Variants in CTNNAL1 observed in about 807,000 individuals in gnomAD.
The protein encoded by CTNNAL1 is catenin alpha like 1.
A neutral mutation model predicts 93.6 loss-of-function variants in CTNNAL1; 69 were observed. The ratio of observed to expected loss-of-function variants is 0.74; its 90% confidence interval spans 0.61 to 0.90. The LOEUF (loss-of-function observed/expected upper bound fraction) is 0.90. Among genes scored for constraint, CTNNAL1 ranks in the 40% least tolerant of loss-of-function variants. The pLI, the probability that CTNNAL1 is intolerant of heterozygous loss-of-function variation, is 0.00. For missense variants in CTNNAL1, 836 were observed against 862.0 expected (o/e 0.97, Z 0.38); for synonymous variants, 286 against 305.4 (o/e 0.94, Z 0.66).
At chr9:109,010,406 C>G (rs1351087322) in intron 1 of CTNNAL1, among the ~76,000 whole-genome samples, 1 of 152,134 alleles carries the variant, frequency 6.6e-6, no homozygotes, top group Non-Finnish European at 1.5e-5. Flanking sequence ...ATTACACTGG[C>G]TAGAATTTCC....
Position 108,996,460 on chromosome 9 carries a change from T to G in CTNNAL1, c.331+2607A>C, listed in dbSNP as rs1310378728. Among the ~76,000 whole-genome samples the G allele has an allele frequency of 4.6e-5, 7 of 152,300 alleles. No homozygotes were observed. In the East Asian group the frequency reaches 1.4e-3, roughly 29 times the overall value. On this transcript the variant is annotated intron_variant, in intron 2 of 18. Transcript: ENST00000325551. Reference sequence around the variant, plus strand: ...CCAGAAGGCATCATTCTCATACTCTTACCTGAGTGACACTAGGAGGAAGAT... The same window carrying G: ...CCAGAAGGCATCATTCTCATACTCTGACCTGAGTGACACTAGGAGGAAGAT...
chr9:108,963,662 T>C (rs1564128330), intron 11 of CTNNAL1: 1 of 152,220 alleles, frequency 6.6e-6, no homozygotes, highest in Non-Finnish European at 1.5e-5. Flanking sequence ...AAAATAGCCA[T>C]CCTGTGGCAC....
intron 1 of CTNNAL1, among the ~76,000 whole-genome samples, chr9:109,005,747 A>G (rs2132216696): frequency 6.6e-6 from 1 of 152,300 alleles, no homozygotes; most frequent in Admixed American, 6.5e-5. Flanking sequence ...TAAATATTTC[A>G]TTTACATAAA....
At chr9:108,985,311 G>T (rs1831573190) in intron 4 of CTNNAL1, among the ~76,000 whole-genome samples, 1 of 152,158 alleles carries the variant, frequency 6.6e-6, no homozygotes, top group African/African-American at 2.4e-5. Flanking sequence ...AATAAGAACA[G>T]CTGTGTTCCA....
intron 12 of CTNNAL1, among the ~76,000 whole-genome samples, chr9:108,954,972 T>TA (rs952292386): frequency 1.7e-4 from 26 of 152,054 alleles, no homozygotes; most frequent in African/African-American, 4.1e-4. Context: ...AATTTTATTT[T>TA]TTTTTTTTTT....
intron 8 of CTNNAL1, among the ~76,000 whole-genome samples, chr9:108,974,988 C>T (rs1420835729): frequency 6.6e-6 from 1 of 151,844 alleles, no homozygotes; most frequent in African/African-American, 2.4e-5. Context: ...CATGGTGAAA[C>T]CCCATCTCTA....
chr9:108,972,869 T>C, intron 8 of CTNNAL1, 36 bp from the exon 9 acceptor site: 14 of 1,141,190 alleles, frequency 1.2e-5, no homozygotes, highest in Non-Finnish European at 1.5e-5. Flanking sequence ...GGTGGGAGGG[T>C]GGAGAAGGAG....
chr9:108,971,101 T>TG (rs1831103682), intron 9 of CTNNAL1, among the ~76,000 whole-genome samples: 1 of 152,240 alleles, frequency 6.6e-6, no homozygotes, highest in Non-Finnish European at 1.5e-5. Context: ...TTATAATATT[T>TG]GGTTTATAAA....
At chr9:108,972,514 G>A (rs1587962439) in intron 9 of CTNNAL1, among the ~76,000 whole-genome samples, 161 bp downstream of exon 9, 1 of 152,148 alleles carries the variant, frequency 6.6e-6, no homozygotes, top group South Asian at 2.1e-4. Context: ...AGGCCAGACT[G>A]TTGCAGGAAC....
chr9:108,983,636 A>C (rs1831507814), intron 5 of CTNNAL1, among the ~76,000 whole-genome samples: 1 of 152,246 alleles, frequency 6.6e-6, no homozygotes, highest in Non-Finnish European at 1.5e-5. Flanking sequence ...CCAGAAATGA[A>C]AAAGAATGAA....
chr9:108,958,917 C>T (rs888762143), intron 11 of CTNNAL1, among the ~76,000 whole-genome samples: 5 of 148,856 alleles, frequency 3.4e-5, no homozygotes, highest in African/African-American at 1.2e-4. Context: ...ATGTTATTTC[C>T]ATGTGAATCT....
At chr9:108,973,900 A>C (rs1831188705) in intron 8 of CTNNAL1, among the ~76,000 whole-genome samples, 1 of 152,166 alleles carries the variant, frequency 6.6e-6, no homozygotes, top group South Asian at 2.1e-4. Flanking sequence ...ACTAAGTGAG[A>C]ATAATTACAG....
intron 11 of CTNNAL1, among the ~76,000 whole-genome samples, chr9:108,963,035 C>T (rs1830859317): frequency 6.6e-6 from 1 of 152,098 alleles, no homozygotes; most frequent in African/African-American, 2.4e-5. Context: ...ATGGAAAATG[C>T]AACTTGGGTT....
intron 1 of CTNNAL1, among the ~76,000 whole-genome samples, chr9:109,004,118 G>A (rs1826939532): frequency 6.6e-6 from 1 of 152,096 alleles, no homozygotes; most frequent in Non-Finnish European, 1.5e-5. Context: ...CCCATGTCAT[G>A]AAGACACTTC....
At chr9:108,985,935 T>A (rs1245719148) in intron 4 of CTNNAL1, among the ~76,000 whole-genome samples, 2 of 151,964 alleles carry the variant, frequency 1.3e-5, no homozygotes, top group Non-Finnish European at 2.9e-5. Flanking sequence ...AAAACCCAGA[T>A]GGTCCATGAA....
chr9:108,955,996 G>A (rs968730633), intron 11 of CTNNAL1, among the ~76,000 whole-genome samples, 169 bp from the exon 12 acceptor site: 7 of 152,124 alleles, frequency 4.6e-5, no homozygotes, highest in Non-Finnish European at 7.4e-5. Flanking sequence ...AATTTGGCTG[G>A]TGAACATGAA....
intron 4 of CTNNAL1, among the ~76,000 whole-genome samples, chr9:108,986,264 G>A (rs1195488614): frequency 2.7e-5 from 4 of 150,176 alleles, no homozygotes; most frequent in African/African-American, 9.8e-5. Context: ...ATCTATGAGT[G>A]AGAACATGCA....
chr9:108,942,909 T>C, intron 18 of CTNNAL1, 52 bp downstream of exon 18: 1 of 1,609,366 alleles, frequency 6.2e-7, no homozygotes, highest in East Asian at 2.2e-5. Flanking sequence ...GTAACTATTT[T>C]CTTTTAAACC....
At chr9:109,006,650 G>A (rs1240482641) in intron 1 of CTNNAL1, among the ~76,000 whole-genome samples, 1 of 152,210 alleles carries the variant, frequency 6.6e-6, no homozygotes, top group Non-Finnish European at 1.5e-5. Context: ...AAATGAACCA[G>A]AGAAGAGGGC....
Sources: allele counts gnomAD v4.1 joint callset (sites outside exome capture counted in the v4.1 genomes callset), GRCh38; gene constraint gnomAD v4.1.1; transcripts MANE v1.5; gene names NCBI Gene and HGNC (gene_info 2026-07-23, HGNC 2026-07-21).